Variants in FLYWCH1 observed in about 807,000 individuals in gnomAD.
FLYWCH1 encodes the protein FLYWCH-type zinc finger 1, also known as FLYWCH-type zinc finger-containing protein 1.
A neutral mutation model predicts 66.4 loss-of-function variants in FLYWCH1; 75 were observed. The observed-to-expected ratio is 1.13, with a 90% CI of 0.94 to 1.37. The LOEUF is 1.37. FLYWCH1 is among the 40% of genes most tolerant of loss of function. The pLI, the probability that FLYWCH1 is intolerant of heterozygous loss-of-function variation, is 0.00. For synonymous variants in FLYWCH1, 595 were observed against 429.9 expected, an observed-to-expected ratio of 1.38 and a Z score of -4.75; for missense variants, 1,334 against 1,001.8, an observed-to-expected ratio of 1.33 and a Z score of -4.48.
In FLYWCH1 at chr16:2,930,818, A is replaced by C. The variant is rs769636191; in HGVS notation, c.734A>C (p.Glu245Ala). 3 of 1,602,370 alleles carry C rather than the reference A, an allele frequency of 1.9e-6. No homozygotes were observed. Among genetic ancestry groups the C allele is most frequent in the East Asian group, 2.2e-5 (1 of 44,710 alleles). The change falls in exon 4 of 10, where the codon GAG (glutamate) becomes GCG (alanine). Residue 245 changes from glutamate (E) to alanine (A), a missense_variant. By Grantham distance (107) the Glu-to-Ala change is moderately radical. Transcript: ENST00000253928. ...VLSKPALEEE[E>A]APRALSLLSL... Reference sequence around the variant, plus strand: ...AGCAAGCCGGCCCTGGAGGAGGAGGAGGCACCCCGAGCCCTGTCACTGCTG... The same window carrying C: ...AGCAAGCCGGCCCTGGAGGAGGAGGCGGCACCCCGAGCCCTGTCACTGCTG...
intron 4 of FLYWCH1, among the ~76,000 whole-genome samples, chr16:2,932,327 G>T (rs1000280817): frequency 2.0e-5 from 3 of 149,600 alleles, no homozygotes; most frequent in Non-Finnish European, 4.5e-5. Flanking sequence ...TGGGTTTTGG[G>T]TCCTAGGTTC....
rs577948988 is a variant in FLYWCH1, at chr16:2,933,121, C to T, written c.797-9C>T. On this transcript the variant is annotated splice_polypyrimidine_tract_variant and intron_variant, in intron 4 of 9. Transcript: ENST00000253928. ...CCTGGTGATGTGACCACTTGGGTCT[C>T]TCCTCTAGGACAGGCCCGGCCCCTC... 6.2e-6 allele frequency: 10 copies of T among 1,608,966 alleles called. No individual in the cohort carries two copies. In the East Asian group the frequency reaches 1.8e-4, roughly 29 times the overall value.
intron 8 of FLYWCH1, 33 bp from the exon 9 acceptor site, chr16:2,939,996 AATT>A: frequency 6.4e-7 from 1 of 1,569,286 alleles, no homozygotes; most frequent in African/African-American, 1.4e-5. Flanking sequence ...ACAAGAGAAG[AATT>A]ATTAATTCAT....
At chr16:2,943,227 C>T (rs1300571205) in intron 9 of FLYWCH1, 1 of 152,116 alleles carries the variant, frequency 6.6e-6, no homozygotes, top group Non-Finnish European at 1.5e-5. Flanking sequence ...GCAGGCTTCC[C>T]TGGTAGAGAA....
chr16:2,933,363 CAGG>C lies in FLYWCH1; in HGVS notation c.1033_1035del (p.Glu345del), dbSNP rs767735750. On this transcript the variant is annotated inframe_deletion, in exon 5 of 10. Coordinates refer to ENST00000253928, the MANE Select transcript of FLYWCH1 (RefSeq NM_001308068.2). ...GGAGGGCCTGGAAGCCCGGCGGCAG[CAGG>C]AGAAGGCCGTGGAGACGCTGCAGGC... 27 of 1,603,694 alleles carry C rather than the reference CAGG, an allele frequency of 1.7e-5. No individual in the cohort carries two copies. Among genetic ancestry groups the C allele is most frequent in the Non-Finnish European group, 2.0e-5 (24 of 1,175,754 alleles).
At position 2,937,149 on chromosome 16, in the gene FLYWCH1, G is replaced by A. The variant is rs539931241; in HGVS notation, c.1542G>A (p.Leu514=). The change falls in exon 7 of 10, where the codon CTG becomes CTA. Residue 514 remains leucine, a synonymous_variant. Transcript: ENST00000253928. ...PGGPEFLKTP[L]GGSFLVYESF... ...GCCCCGAGTTCCTGAAGACGCCCCT[G>A]GGGGGCAGCTTCCTGGTGTACGAGT... The A allele has an allele frequency of 1.8e-5, 20 of 1,139,528 alleles. No homozygotes were observed. Among genetic ancestry groups the A allele is most frequent in the Non-Finnish European group, 2.2e-5 (20 of 892,486 alleles). The allele number at this position is 1,139,528 out of a possible 1,614,324, so 70.6% of individuals were successfully genotyped here.
intron 8 of FLYWCH1, among the ~76,000 whole-genome samples, chr16:2,939,244 G>C (rs762815436): frequency 2.6e-5 from 4 of 152,212 alleles, no homozygotes; most frequent in African/African-American, 9.6e-5. Flanking sequence ...TCAGGAGTTC[G>C]AGACCATCCT....
chr16:2,942,256 T>G (rs1198125398), intron 9 of FLYWCH1, among the ~76,000 whole-genome samples: 1 of 152,244 alleles, frequency 6.6e-6, no homozygotes, highest in African/African-American at 2.4e-5. Context: ...CTCAGCTCAC[T>G]TGAACCTCAC....
chr16:2,942,031 A>AGAAG (rs1290730392), intron 9 of FLYWCH1, among the ~76,000 whole-genome samples: 4 of 151,086 alleles, frequency 2.6e-5, no homozygotes, highest in Non-Finnish European at 5.9e-5. Flanking sequence ...AAACTGAAGC[A>AGAAG]GAAGGAAGGA....
chr16:2,928,244 T>G (rs2150939452), intron 2 of FLYWCH1, among the ~76,000 whole-genome samples: 1 of 152,308 alleles, frequency 6.6e-6, no homozygotes, highest in South Asian at 2.1e-4. Flanking sequence ...GACAGAAAGC[T>G]TCCTCTTACC....
At position 2,937,297 on chromosome 16, in the gene FLYWCH1, A is replaced by T; in HGVS notation, c.1690A>T (p.Arg564Trp). Residue 564 changes from arginine to tryptophan, a missense_variant, in exon 7 of 10, where the codon AGG (arginine) becomes TGG (tryptophan). Coordinates refer to ENST00000253928, the MANE Select transcript of FLYWCH1 (RefSeq NM_001308068.2). ...TQGRRVMVMR[R>W]HCHPPDLGGL... ...GGGCCGGCGGGTCATGGTCATGCGC[A>T]GGCACTGCCACCCACCGGACCTGGG... 6.2e-7 allele frequency: 1 copy of T among 1,604,120 alleles called. No individual in the cohort carries two copies. Among genetic ancestry groups the T allele is most frequent in the Non-Finnish European group, 8.5e-7 (1 of 1,176,352 alleles).
intron 9 of FLYWCH1, chr16:2,943,580 A>T (rs2151015049): frequency 6.6e-6 from 1 of 151,968 alleles, no homozygotes; most frequent in South Asian, 2.1e-4. Flanking sequence ...TCATGATAAA[A>T]ACATTCAACA....
At chr16:2,936,074 T>G (rs2070985984) in intron 6 of FLYWCH1, 2 of 248,656 alleles carry the variant, frequency 8.0e-6, no homozygotes, top group African/African-American at 4.6e-5. Context: ...CACGCCCAGC[T>G]AATTTTTTGT....
chr16:2,921,923 TGTG>T (rs763919825), intron 2 of FLYWCH1, among the ~76,000 whole-genome samples: 3 of 147,720 alleles, frequency 2.0e-5, no homozygotes, highest in Non-Finnish European at 3.0e-5. Context: ...ATTTGCTAGG[TGTG>T]GTGGCGCGCG....
intron 6 of FLYWCH1, chr16:2,934,788 C>G (rs997330408): frequency 2.6e-6 from 1 of 380,664 alleles, no homozygotes; most frequent in Admixed American, 3.3e-5. Flanking sequence ...CACCCCCGCT[C>G]CTGACCCCAC....
intron 2 of FLYWCH1, among the ~76,000 whole-genome samples, chr16:2,928,222 G>A (rs1267311290): frequency 6.6e-6 from 1 of 152,164 alleles, no homozygotes; most frequent in Non-Finnish European, 1.5e-5. Flanking sequence ...CCATTCCCAG[G>A]GACGAGCAGG....
At chr16:2,923,933 G>C (rs1200876433) in intron 2 of FLYWCH1, among the ~76,000 whole-genome samples, 1 of 152,062 alleles carries the variant, frequency 6.6e-6, no homozygotes, top group Non-Finnish European at 1.5e-5. Flanking sequence ...CAGCTACTTG[G>C]GAGTCTGAGG....
intron 2 of FLYWCH1, among the ~76,000 whole-genome samples, chr16:2,914,776 C>G (rs1284487890): frequency 6.6e-6 from 1 of 151,892 alleles, no homozygotes; most frequent in Non-Finnish European, 1.5e-5. Flanking sequence ...TGGCGCACAC[C>G]TGTAATCCCA....
intron 2 of FLYWCH1, among the ~76,000 whole-genome samples, chr16:2,921,311 T>C (rs2070367248): frequency 6.6e-6 from 1 of 151,100 alleles, no homozygotes; most frequent in East Asian, 1.9e-4. Context: ...TTTAATATAT[T>C]CAGAAAGCTG....
Sources: gnomAD v4.1 joint callset for allele counts (sites outside exome capture counted in the v4.1 genomes callset) on GRCh38, gnomAD v4.1.1 for gene constraint, MANE v1.5 for transcripts, NCBI Gene and HGNC (gene_info 2026-07-23, HGNC 2026-07-21) for gene names.